DLGAP2: variants seen among roughly 807,000 people sequenced by gnomAD.
DLGAP2 encodes the protein disks large-associated protein 2.
A neutral mutation model predicts 100.3 loss-of-function variants in DLGAP2; 26 were observed. The ratio of observed to expected loss-of-function variants is 0.26; its 90% CI spans 0.19 to 0.36. The LOEUF (loss-of-function observed/expected upper bound fraction) is 0.36. DLGAP2 is among the 10% of genes least tolerant of loss of function. The probability of loss-of-function intolerance (pLI) is 1.00; values close to 1 mark genes in which losing one functional copy is unlikely to be tolerated. For synonymous variants in DLGAP2, 886 were observed against 630.1 expected (o/e 1.41, Z -6.08); for missense variants, 1,858 against 1,453.2 (o/e 1.28, Z -4.53).
intron 2 of DLGAP2, among the ~76,000 whole-genome samples, chr8:1,200,486 C>T (rs1189929373): frequency 6.6e-6 from 1 of 152,192 alleles, no homozygotes; most frequent in Admixed American, 6.5e-5. Flanking sequence ...TCCATCTGGC[C>T]TCGTGCTCCT....
intron 3 of DLGAP2, among the ~76,000 whole-genome samples, chr8:1,287,314 C>A (rs113558872): frequency 2.6e-5 from 2 of 75,690 alleles, no homozygotes; most frequent in Non-Finnish European, 2.5e-5. Context: ...TTCGGTTCAG[C>A]GTGTGTGTGT....
At chr8:1,293,894 TG>T (rs780417010) in intron 3 of DLGAP2, among the ~76,000 whole-genome samples, 7 of 152,242 alleles carry the variant, frequency 4.6e-5, no homozygotes, top group Non-Finnish European at 8.8e-5. Flanking sequence ...CAGAAACAGA[TG>T]TGCTGAGGTC....
chr8:1,410,174 G>C (rs1055969382), intron 3 of DLGAP2, among the ~76,000 whole-genome samples: 1 of 152,196 alleles, frequency 6.6e-6, no homozygotes, highest in African/African-American at 2.4e-5. Context: ...CTGCTGAGGA[G>C]ACTGCAAGCT....
At chr8:1,572,452 T>A (rs1481002632) in intron 6 of DLGAP2, among the ~76,000 whole-genome samples, 1 of 111,634 alleles carries the variant, frequency 9.0e-6, no homozygotes, top group East Asian at 3.1e-4. Context: ...AGAGGTGAAC[T>A]GTGGGGCGTC....
At chr8:1,374,222 G>A (rs188541087) in intron 3 of DLGAP2, among the ~76,000 whole-genome samples, 18 of 152,106 alleles carry the variant, frequency 1.2e-4, no homozygotes, top group Admixed American at 2.6e-4. Flanking sequence ...CTGTGGTGGA[G>A]GGTAGGTCAC....
At chr8:1,359,807 T>C (rs1801937984) in intron 3 of DLGAP2, among the ~76,000 whole-genome samples, 1 of 152,260 alleles carries the variant, frequency 6.6e-6, no homozygotes, top group Non-Finnish European at 1.5e-5. Context: ...ATGGGCTTCA[T>C]GGACTTCTCC....
chr8:1,117,626 G>C (rs1297813771), intron 2 of DLGAP2, among the ~76,000 whole-genome samples: 2 of 152,232 alleles, frequency 1.3e-5, no homozygotes, highest in Non-Finnish European at 2.9e-5. Context: ...ACGCTGAGTA[G>C]AGCAAGTCTG....
intron 3 of DLGAP2, among the ~76,000 whole-genome samples, chr8:1,435,631 C>T (rs920807641): frequency 7.9e-5 from 12 of 151,738 alleles, no homozygotes; most frequent in Admixed American, 2.0e-4. Context: ...TTTTAGAGTG[C>T]GCTCCTTCTG....
At chr8:870,132 T>C (rs1225029349) in intron 1 of DLGAP2, among the ~76,000 whole-genome samples, 1 of 152,216 alleles carries the variant, frequency 6.6e-6, no homozygotes. Context: ...CTCTCTGGCT[T>C]CTGTAATAGT....
At chr8:1,337,255 G>T (rs1424526927) in intron 3 of DLGAP2, among the ~76,000 whole-genome samples, 1 of 121,578 alleles carries the variant, frequency 8.2e-6, no homozygotes, top group South Asian at 3.0e-4. Context: ...TGGTGATGAT[G>T]GTGGTGATGA....
intron 4 of DLGAP2, among the ~76,000 whole-genome samples, chr8:1,510,267 G>A (rs998632752): frequency 9.9e-5 from 15 of 152,248 alleles, no homozygotes; most frequent in African/African-American, 3.1e-4. Context: ...GTGTTTGGAG[G>A]TCAGCCTGTG....
At chr8:942,451 T>A (rs930047597) in intron 2 of DLGAP2, among the ~76,000 whole-genome samples, 1 of 152,166 alleles carries the variant, frequency 6.6e-6, no homozygotes, top group African/African-American at 2.4e-5. Flanking sequence ...GATGTACTTT[T>A]CCCACTCACA....
chr8:754,853 A>G (rs1481788360), intron 1 of DLGAP2, among the ~76,000 whole-genome samples: 2 of 152,264 alleles, frequency 1.3e-5, no homozygotes, highest in East Asian at 1.9e-4. Flanking sequence ...AAAGAAAGAA[A>G]AAAAGCAAGT....
chr8:799,935 A>G (rs1370230599), intron 1 of DLGAP2, among the ~76,000 whole-genome samples: 5 of 152,182 alleles, frequency 3.3e-5, no homozygotes, highest in African/African-American at 1.2e-4. Context: ...AGTCTCATGA[A>G]TTAATGCTGT....
chr8:893,432 A>G (rs17065443), intron 1 of DLGAP2, among the ~76,000 whole-genome samples: 1 of 152,124 alleles, frequency 6.6e-6, no homozygotes, highest in Admixed American at 6.5e-5. Context: ...TCACATTGCA[A>G]ATCCATTCAA....
intron 4 of DLGAP2, among the ~76,000 whole-genome samples, chr8:1,522,870 C>T (rs2130425296): frequency 6.6e-6 from 1 of 152,330 alleles, no homozygotes. Flanking sequence ...TGATATCATG[C>T]ATTTTGGCAT....
intron 3 of DLGAP2, among the ~76,000 whole-genome samples, chr8:1,350,276 T>C (rs1224950058): frequency 2.0e-4 from 15 of 76,754 alleles, no homozygotes; most frequent in East Asian, 1.3e-3. Flanking sequence ...GGAACGGCCG[T>C]GCGGGTCCTG....
intron 8 of DLGAP2, among the ~76,000 whole-genome samples, chr8:1,644,455 G>A (rs986178869): frequency 1.3e-4 from 20 of 152,278 alleles, no homozygotes; most frequent in Admixed American, 9.8e-4. Flanking sequence ...GCTGCTGCTC[G>A]TCGGCCCGCA....
intron 3 of DLGAP2, among the ~76,000 whole-genome samples, chr8:1,476,788 C>T (rs1005781034): frequency 6.7e-5 from 10 of 149,744 alleles, no homozygotes; most frequent in Non-Finnish European, 1.5e-4. Context: ...CCACCAGCCC[C>T]TTCTGCAGAC....
Sources: gnomAD v4.1 joint callset for allele counts (sites outside exome capture counted in the v4.1 genomes callset) on GRCh38, gnomAD v4.1.1 for gene constraint, MANE v1.5 for transcripts, NCBI Gene and HGNC (gene_info 2026-07-23, HGNC 2026-07-21) for gene names.